AOPEP: variants seen among roughly 807,000 people sequenced by gnomAD.
The protein encoded by AOPEP is aminopeptidase O.
Under a neutral mutation model 98.1 loss-of-function variants are expected in AOPEP, and 77 were observed. The observed-to-expected ratio is 0.78, with a 90% CI of 0.65 to 0.95. The LOEUF (loss-of-function observed/expected upper bound fraction) is 0.95, where lower values mean the gene tolerates loss of function less well. Ranked by LOEUF, AOPEP falls within the 40% of genes least tolerant of loss-of-function variation. The pLI is 0.00. For synonymous variants in AOPEP, 346 were observed against 365.3 expected (o/e 0.95, Z 0.60); for missense variants, 1,024 against 1,024.7 (o/e 1.00, Z 0.01).
In AOPEP at chr9:94,747,041, G is replaced by GT. The variant is rs59283562; in HGVS notation, c.-135-12592dup. 8.8e-3 allele frequency among the ~76,000 whole-genome samples: 1,261 copies of GT among 143,554 alleles called. 15 individuals are homozygous for GT. Among genetic ancestry groups the GT allele is most frequent in the East Asian group, 0.053 (262 of 4,932 alleles). 94.2% of individuals were successfully genotyped at this position (143,554 alleles called of 152,430 possible). ...CCCACAACAGCATTAACTCCAGTGG[G>GT]TTTTTTTTTTTTTTTTGAATATACA... On this transcript the variant is annotated intron_variant, in intron 1 of 16. Coordinates refer to ENST00000375315, the MANE Select transcript of AOPEP (RefSeq NM_001193329.3).
chr9:94,918,992 T>C (rs1249662064), intron 5 of AOPEP, among the ~76,000 whole-genome samples: 3 of 152,088 alleles, frequency 2.0e-5, no homozygotes, highest in Non-Finnish European at 4.4e-5. Context: ...CTCGGCTCAC[T>C]GTAACCTCCG....
intron 3 of AOPEP, among the ~76,000 whole-genome samples, chr9:94,777,843 T>C (rs1041096727): frequency 1.3e-5 from 2 of 151,896 alleles, no homozygotes; most frequent in African/African-American, 4.8e-5. Context: ...AGGCTGGTCT[T>C]GAACTCCTGA....
At chr9:94,761,132 G>T (rs143570729) in intron 2 of AOPEP, among the ~76,000 whole-genome samples, 3 of 152,072 alleles carry the variant, frequency 2.0e-5, no homozygotes, top group East Asian at 1.9e-4. Flanking sequence ...GCATACAAAA[G>T]ACCTGTTTCT....
chr9:94,968,460 T>C (rs997377303), intron 10 of AOPEP, among the ~76,000 whole-genome samples: 10 of 152,204 alleles, frequency 6.6e-5, no homozygotes, highest in African/African-American at 2.4e-4. Context: ...CAGGCTGGTC[T>C]TGAACTCCTC....
chr9:94,822,248 T>G (rs1456717452), intron 5 of AOPEP, among the ~76,000 whole-genome samples: 1 of 152,228 alleles, frequency 6.6e-6, no homozygotes, highest in African/African-American at 2.4e-5. Flanking sequence ...TGTGTTGATC[T>G]TGTTAGAAGC....
At chr9:95,047,740 T>C (rs1185199187) in intron 13 of AOPEP, among the ~76,000 whole-genome samples, 2 of 152,236 alleles carry the variant, frequency 1.3e-5, no homozygotes, top group African/African-American at 4.8e-5. Flanking sequence ...GTGACTTTTA[T>C]CTACTGAGAT....
At chr9:95,058,926 G>A (rs1165503031) in intron 13 of AOPEP, among the ~76,000 whole-genome samples, 2 of 152,182 alleles carry the variant, frequency 1.3e-5, no homozygotes, top group African/African-American at 2.4e-5. Flanking sequence ...GGAGAAGGAG[G>A]GCAGAGGGAG....
At chr9:95,114,542 T>C in the AOPEP span, 1 of 1,194,274 alleles carries the variant, frequency 8.4e-7, no homozygotes, top group Non-Finnish European at 1.3e-6. Context: ...AGTAATGCCT[T>C]CCTCTGTCAG....
the AOPEP span, among the ~76,000 whole-genome samples, chr9:95,108,775 ACTT>A: frequency 1.3e-5 from 2 of 152,160 alleles, no homozygotes; most frequent in African/African-American, 2.4e-5. Context: ...CGGTTTATAT[ACTT>A]CTTGTCTTTT....
intron 5 of AOPEP, among the ~76,000 whole-genome samples, chr9:94,823,728 T>C (rs1406257689): frequency 1.3e-5 from 2 of 152,170 alleles, no homozygotes; most frequent in Admixed American, 6.6e-5. Context: ...CTTTTCAAAT[T>C]TGGAGAATTC....
intron 14 of AOPEP, among the ~76,000 whole-genome samples, chr9:95,076,657 A>G (rs891000893): frequency 6.6e-5 from 10 of 152,224 alleles, no homozygotes; most frequent in Admixed American, 5.9e-4. Flanking sequence ...GTTAGGAGGA[A>G]AAGGAAAAAT....
the AOPEP span, among the ~76,000 whole-genome samples, chr9:95,145,727 CCTGACTATGTGAGAA>C: frequency 6.6e-6 from 1 of 152,084 alleles, no homozygotes; most frequent in Non-Finnish European, 1.5e-5. Context: ...ACAAAACAGG[CCTGACTATGTGAGAA>C]CTGAGAATGT....
At chr9:95,132,069 C>CT in the AOPEP span, among the ~76,000 whole-genome samples, 1 of 152,236 alleles carries the variant, frequency 6.6e-6, no homozygotes, top group African/African-American at 2.4e-5. Flanking sequence ...AGAAACAACT[C>CT]TGCCTCCTGG....
chr9:94,741,776 C>T (rs1329261729), intron 1 of AOPEP, among the ~76,000 whole-genome samples: 2 of 152,192 alleles, frequency 1.3e-5, no homozygotes, highest in Non-Finnish European at 2.9e-5. Context: ...CATGCTATTC[C>T]ATCACAGCTG....
intron 5 of AOPEP, among the ~76,000 whole-genome samples, chr9:94,858,865 A>G (rs931831058): frequency 2.0e-5 from 3 of 152,076 alleles, no homozygotes; most frequent in Admixed American, 1.3e-4. Flanking sequence ...CCTGGCCAAC[A>G]TGGTGAAACC....
chr9:95,074,784 G>A (rs193245579), intron 14 of AOPEP, among the ~76,000 whole-genome samples: 5 of 152,298 alleles, frequency 3.3e-5, no homozygotes, highest in East Asian at 1.9e-4. Context: ...GCCCACTTCC[G>A]GCAGGTCAGG....
rs569249101 is a variant in AOPEP, at chr9:94,744,354, C to G, written c.-135-15295C>G. On this transcript the variant is annotated intron_variant, in intron 1 of 16. Transcript: ENST00000375315. ...TTGGCAGTGAGCCGAGATCGTGCCA[C>G]TGCACTCCAGCCTGGGTGACAGAGT... Among the ~76,000 whole-genome samples the G allele has an allele frequency of 5.9e-5, 9 of 152,066 alleles. No homozygotes were observed. In the East Asian group the frequency reaches 1.7e-3, roughly 30 times the overall value.
rs1837843740 is a variant in AOPEP, at chr9:94,759,763, C to T, written c.-21C>T. 6.3e-7 allele frequency: 1 copy of T among 1,579,376 alleles called. No homozygotes were observed. The highest frequency in any genetic ancestry group is 8.6e-7 in the Non-Finnish European group (1 of 1,161,708). ...ACCCCATCTGAGATTTTAATAAATCCCTCAAACAATAAACCACATCATGGA... is the reference window on the plus strand; with the variant it reads ...ACCCCATCTGAGATTTTAATAAATCTCTCAAACAATAAACCACATCATGGA... On this transcript the variant is annotated 5_prime_UTR_variant, in exon 2 of 17. Transcript: ENST00000375315.
rs527706852 is a variant in AOPEP, at chr9:94,970,561, TG to T, written c.1916+2764del. ...AGAAATCTTATGCAGGGAGATTGCGTGGGGCCTTAGAAATTGGCCAAGATTT... is the reference window on the plus strand; with the variant it reads ...AGAAATCTTATGCAGGGAGATTGCGTGGGCCTTAGAAATTGGCCAAGATTT... On this transcript the variant is annotated intron_variant, in intron 10 of 16. Coordinates refer to ENST00000375315, the MANE Select transcript of AOPEP (RefSeq NM_001193329.3). Among the ~76,000 whole-genome samples, 252 of 151,948 alleles carry T rather than the reference TG, an allele frequency of 1.7e-3. 1 individual carries two copies. Among genetic ancestry groups the T allele is most frequent in the African/African-American group, 5.8e-3 (242 of 41,460 alleles).
Sources: gnomAD v4.1 joint callset for allele counts (sites outside exome capture counted in the v4.1 genomes callset) on GRCh38, gnomAD v4.1.1 for gene constraint, MANE v1.5 for transcripts, NCBI Gene and HGNC (gene_info 2026-07-23, HGNC 2026-07-21) for gene names.